Variants in PTPRN2 observed in about 807,000 individuals in gnomAD.
The protein encoded by PTPRN2 is protein tyrosine phosphatase receptor type N2.
Under a neutral mutation model 118.8 loss-of-function variants are expected in PTPRN2, and 74 were observed. The ratio of observed to expected loss-of-function variants is 0.62; its 90% confidence interval spans 0.52 to 0.76. PTPRN2 has a LOEUF of 0.76. Among genes scored for constraint, PTPRN2 ranks in the 30% least tolerant of loss-of-function variants. PTPRN2 has a pLI of 0.00. For missense variants in PTPRN2, 1,481 were observed against 1,394.4 expected, an observed-to-expected ratio of 1.06 and a Z score of -0.99; for synonymous variants, 641 against 608.0, an observed-to-expected ratio of 1.05 and a Z score of -0.80.
chr7:157,687,147 CT>C (rs1385246075), intron 12 of PTPRN2, among the ~76,000 whole-genome samples: 1 of 152,064 alleles, frequency 6.6e-6, no homozygotes, highest in African/African-American at 2.4e-5. Flanking sequence ...GACCGTGCCC[CT>C]GAGTGGAGGT....
intron 11 of PTPRN2, among the ~76,000 whole-genome samples, chr7:157,901,384 G>A (rs1322807777): frequency 1.3e-5 from 2 of 152,170 alleles, no homozygotes; most frequent in Non-Finnish European, 2.9e-5. Flanking sequence ...GAGGCATGGC[G>A]GGGCCGAACC....
chr7:158,256,582 G>T (rs1009876193), intron 3 of PTPRN2, among the ~76,000 whole-genome samples: 6 of 151,878 alleles, frequency 4.0e-5, no homozygotes, highest in African/African-American at 9.7e-5. Flanking sequence ...TGGCGGGGGC[G>T]GGGGGGAACC....
At chr7:158,403,226 A>G (rs1347847915) in intron 2 of PTPRN2, among the ~76,000 whole-genome samples, 1 of 152,260 alleles carries the variant, frequency 6.6e-6, no homozygotes, top group African/African-American at 2.4e-5. Context: ...AGGGGAGCAC[A>G]TGTGAGCACC....
chr7:157,546,026 GT>G (rs1181240623), intron 22 of PTPRN2, among the ~76,000 whole-genome samples: 1 of 152,220 alleles, frequency 6.6e-6, no homozygotes, highest in Non-Finnish European at 1.5e-5. Flanking sequence ...AGATGTGATG[GT>G]GACTTTCGCA....
chr7:158,098,993 T>C (rs1199516336), intron 10 of PTPRN2, among the ~76,000 whole-genome samples: 4 of 30,688 alleles, frequency 1.3e-4, no homozygotes, highest in Admixed American at 1.2e-3. Context: ...CCCGGCTGCC[T>C]CCCCTTCCTC....
At chr7:157,971,298 C>A (rs893904788) in intron 11 of PTPRN2, among the ~76,000 whole-genome samples, 1 of 152,084 alleles carries the variant, frequency 6.6e-6, no homozygotes. Flanking sequence ...CATCACGAAT[C>A]CGTATTTGAA....
At chr7:158,140,762 G>A (rs369034099) in intron 6 of PTPRN2, among the ~76,000 whole-genome samples, 9 of 152,290 alleles carry the variant, frequency 5.9e-5, no homozygotes, top group African/African-American at 2.2e-4. Flanking sequence ...CGTCCAACGC[G>A]TCATCGTGTC....
At chr7:157,873,756 G>A (rs1338810047) in intron 12 of PTPRN2, among the ~76,000 whole-genome samples, 1 of 152,156 alleles carries the variant, frequency 6.6e-6, no homozygotes, top group Non-Finnish European at 1.5e-5. Context: ...GATGGGCAGA[G>A]GGCCCTGCTT....
At chr7:157,852,784 G>A (rs768926467) in intron 12 of PTPRN2, among the ~76,000 whole-genome samples, 5 of 146,432 alleles carry the variant, frequency 3.4e-5, no homozygotes, top group African/African-American at 5.1e-5. Flanking sequence ...CAGGAGAATC[G>A]CTTTAACCCA....
rs1826917060 is a variant in PTPRN2 at position 158,555,486 on chromosome 7, C to T, written c.112+32072G>A. ...GGGGTGGGGCAGGAGCAGGAAGAGG[C>T]CCATGCTGCCATGTCCCATCCCAAC... On this transcript the variant is annotated intron_variant, in intron 1 of 22. Coordinates refer to ENST00000389418, the MANE Select transcript of PTPRN2 (RefSeq NM_002847.5). This position sits in a 1 kb window ranked among gnomAD's most constrained non-coding sequence, Gnocchi z 4.7. 1.3e-5 allele frequency among the ~76,000 whole-genome samples: 2 copies of T among 152,222 alleles called. No homozygotes were observed. Among genetic ancestry groups the T allele is most frequent in the Non-Finnish European group, 2.9e-5 (2 of 68,038 alleles).
intron 2 of PTPRN2, among the ~76,000 whole-genome samples, chr7:158,351,495 A>G (rs1807930519): frequency 1.3e-5 from 2 of 152,154 alleles, no homozygotes; most frequent in African/African-American, 4.8e-5. Context: ...CAAAACTCCC[A>G]TTTGTGAAAG....
intron 1 of PTPRN2, among the ~76,000 whole-genome samples, chr7:158,581,288 G>T (rs1410791442): frequency 6.6e-6 from 1 of 152,158 alleles, no homozygotes; most frequent in Non-Finnish European, 1.5e-5. Context: ...TCTGTAAATT[G>T]AAGATAGAAA....
intron 2 of PTPRN2, among the ~76,000 whole-genome samples, chr7:158,424,391 T>TC (rs921480713): frequency 1.1e-4 from 17 of 152,276 alleles, no homozygotes; most frequent in African/African-American, 4.1e-4. Context: ...CGTTTATTGC[T>TC]CCCAAAGTCT....
At chr7:158,150,389 G>T (rs1322646531) in intron 6 of PTPRN2, among the ~76,000 whole-genome samples, 2 of 152,204 alleles carry the variant, frequency 1.3e-5, no homozygotes, top group Non-Finnish European at 2.9e-5. Context: ...CCCTCCACAT[G>T]CAGGGCTGAG....
At chr7:158,189,158 G>A (rs1022948835) in intron 5 of PTPRN2, among the ~76,000 whole-genome samples, 12 of 152,148 alleles carry the variant, frequency 7.9e-5, no homozygotes, top group Non-Finnish European at 1.0e-4. Flanking sequence ...AATTTGCTAC[G>A]GTTTGTTTCT....
chr7:158,399,622 C>G (rs932618022), intron 2 of PTPRN2, among the ~76,000 whole-genome samples: 9 of 151,850 alleles, frequency 5.9e-5, no homozygotes, highest in African/African-American at 2.2e-4. Flanking sequence ...AGCCACTGCA[C>G]TGCAGCCTGG....
intron 6 of PTPRN2, among the ~76,000 whole-genome samples, chr7:158,138,822 C>G (rs1380556682): frequency 6.6e-6 from 1 of 152,172 alleles, no homozygotes; most frequent in East Asian, 1.9e-4. Flanking sequence ...ATGACCAAGC[C>G]AGGAAGAGAG....
At chr7:157,664,352 G>A (rs10244460) in intron 13 of PTPRN2, among the ~76,000 whole-genome samples, 58,492 of 152,182 alleles carry the variant, frequency 0.38, 12,303 homozygotes, top group Non-Finnish European at 0.49. Flanking sequence ...TATCACCTGC[G>A]TTCATTATCA....
Position 158,446,453 on chromosome 7 carries a change from C to T in PTPRN2, c.163+43282G>A, listed in dbSNP as rs560309002. ...GCCCCACCCAAGCCACAGCTGCCCC[C>T]GGCAGGCAGGCCCCACCCAGGCTCT... On this transcript the variant is annotated intron_variant, in intron 2 of 22. Transcript: ENST00000389418. 4.5e-4 allele frequency among the ~76,000 whole-genome samples: 69 copies of T among 152,250 alleles called. 2 individuals are homozygous for T. Among genetic ancestry groups the T allele is most frequent in the Middle Eastern group, 6.8e-3 (2 of 294 alleles).
Sources: gnomAD v4.1 joint callset for allele counts (sites outside exome capture counted in the v4.1 genomes callset) on GRCh38, gnomAD v4.1.1 for gene constraint, Gnocchi (gnomAD v3.1) non-coding constraint, MANE v1.5 for transcripts, NCBI Gene and HGNC (gene_info 2026-07-23, HGNC 2026-07-21) for gene names.